Variants in CEP15 observed in about 807,000 individuals in gnomAD.
CEP15 encodes centrosomal protein 15 kDa.
At chr3:62,330,930 G>A in the CEP15 span, among the ~76,000 whole-genome samples, 229 of 152,230 alleles carry the variant, frequency 1.5e-3, 2 homozygotes, top group Non-Finnish European at 5.0e-4. Context: ...GTGGGTCTGA[G>A]TATCTGACTA....
At chr3:62,332,794 C>T in the CEP15 span, among the ~76,000 whole-genome samples, 20 of 136,046 alleles carry the variant, frequency 1.5e-4, no homozygotes, top group African/African-American at 5.0e-4. Flanking sequence ...AGTTCCTGAT[C>T]TCATCCCAGG....
the CEP15 span, among the ~76,000 whole-genome samples, chr3:62,321,711 T>C: frequency 6.6e-6 from 1 of 152,160 alleles, no homozygotes; most frequent in South Asian, 2.1e-4. This position sits in a 1 kb window ranked among gnomAD's most constrained non-coding sequence, Gnocchi z 4.1. Flanking sequence ...ATAAAGAATA[T>C]GTTAATGAAA....
chr3:62,333,297 G>T, the CEP15 span: 2 of 1,611,396 alleles, frequency 1.2e-6, no homozygotes, highest in African/African-American at 1.3e-5. This position sits in a 1 kb window ranked among gnomAD's most constrained non-coding sequence, Gnocchi z 4.0. Context: ...TCCCAAATGG[G>T]AACAGTTTCT....
the CEP15 span, among the ~76,000 whole-genome samples, chr3:62,324,377 G>C: frequency 6.6e-6 from 1 of 152,142 alleles, no homozygotes; most frequent in African/African-American, 2.4e-5. Context: ...CTTGCAGCCT[G>C]AGTGACAGAG....
the CEP15 span, among the ~76,000 whole-genome samples, chr3:62,332,334 T>C: frequency 6.6e-6 from 1 of 152,174 alleles, no homozygotes; most frequent in Non-Finnish European, 1.5e-5. Flanking sequence ...TGCATGGATA[T>C]ATAGACATAT....
chr3:62,324,699 A>G, the CEP15 span, among the ~76,000 whole-genome samples: 1 of 152,178 alleles, frequency 6.6e-6, no homozygotes, highest in South Asian at 2.1e-4. Context: ...AAACTTGTTC[A>G]GGACAAGTTA....
the CEP15 span, among the ~76,000 whole-genome samples, chr3:62,329,712 G>C: frequency 1.3e-5 from 2 of 152,144 alleles, no homozygotes; most frequent in African/African-American, 2.4e-5. Context: ...TCCTGTAAGA[G>C]AGATAATAAG....
the CEP15 span, among the ~76,000 whole-genome samples, chr3:62,327,643 C>A: frequency 3.6e-4 from 55 of 152,280 alleles, no homozygotes; most frequent in African/African-American, 9.6e-4. Flanking sequence ...TATTCAAATT[C>A]TTTTATTCCT....
the CEP15 span, chr3:62,333,153 T>A: frequency 1.0e-6 from 1 of 973,120 alleles, no homozygotes; most frequent in Non-Finnish European, 1.6e-6. This position sits in a 1 kb window ranked among gnomAD's most constrained non-coding sequence, Gnocchi z 4.0. Context: ...TGTGTGTGTA[T>A]ACACGCATAC....
the CEP15 span, chr3:62,331,411 A>G: frequency 1.9e-6 from 3 of 1,610,412 alleles, no homozygotes; most frequent in Non-Finnish European, 2.5e-6. Context: ...TGAGCATCTT[A>G]AGGAACAAAT....
the CEP15 span, among the ~76,000 whole-genome samples, chr3:62,329,509 A>T: frequency 2.6e-5 from 4 of 152,206 alleles, no homozygotes; most frequent in African/African-American, 9.6e-5. Flanking sequence ...AGAGGAAGAA[A>T]GGTAGTAATC....
At chr3:62,333,400 T>C in the CEP15 span, 1 of 1,605,830 alleles carries the variant, frequency 6.2e-7, no homozygotes, top group Non-Finnish European at 8.5e-7. The surrounding 1 kb of genome is among the most constrained non-coding windows in gnomAD (Gnocchi z 4.0). Context: ...CTTCTTCACA[T>C]GCTATTTCAA....
At chr3:62,328,785 A>AGGTT in the CEP15 span, among the ~76,000 whole-genome samples, 54,851 of 151,786 alleles carry the variant, frequency 0.36, 11,727 homozygotes, top group East Asian at 0.58. Context: ...AGATGCATAA[A>AGGTT]GGTTGTATGG....
chr3:62,333,157 C>T, the CEP15 span: 31 of 1,011,742 alleles, frequency 3.1e-5, no homozygotes, highest in South Asian at 1.9e-4. This position sits in a 1 kb window ranked among gnomAD's most constrained non-coding sequence, Gnocchi z 4.0. Flanking sequence ...TGTGTATACA[C>T]GCATACACAC....
chr3:62,332,517 T>G, the CEP15 span, among the ~76,000 whole-genome samples: 1 of 152,046 alleles, frequency 6.6e-6, no homozygotes, highest in East Asian at 1.9e-4. Flanking sequence ...TTTAGTTCTC[T>G]TTGACCTCCC....
chr3:62,330,430 A>C, the CEP15 span, among the ~76,000 whole-genome samples: 1 of 152,172 alleles, frequency 6.6e-6, no homozygotes, highest in African/African-American at 2.4e-5. Flanking sequence ...ACAAGACAAC[A>C]TGGGTGCTGA....
At chr3:62,323,805 T>A in the CEP15 span, 3 of 152,166 alleles carry the variant, frequency 2.0e-5, no homozygotes, top group African/African-American at 7.2e-5. Flanking sequence ...TAAAAAAAAT[T>A]TTTTAAAGTG....
the CEP15 span, chr3:62,323,882 ATT>A: frequency 6.6e-6 from 1 of 152,172 alleles, no homozygotes; most frequent in Admixed American, 6.5e-5. Context: ...ATTTTTGTAT[ATT>A]TTCTTTCAGT....
At chr3:62,321,942 A>G in the CEP15 span, 11 of 1,597,834 alleles carry the variant, frequency 6.9e-6, no homozygotes, top group East Asian at 2.0e-4. The surrounding 1 kb of genome is among the most constrained non-coding windows in gnomAD (Gnocchi z 4.1). Context: ...TATCACAAAG[A>G]TTAATGTTAC....
Sources: allele counts gnomAD v4.1 joint callset (sites outside exome capture counted in the v4.1 genomes callset), GRCh38; gene constraint gnomAD v4.1.1; non-coding constraint Gnocchi (gnomAD v3.1); transcripts MANE v1.5; gene names NCBI Gene and HGNC (gene_info 2026-07-23, HGNC 2026-07-21).